CCDC88A: variants seen among roughly 807,000 people sequenced by gnomAD.
The protein encoded by CCDC88A is girdin.
In CCDC88A, 54 loss-of-function variants were observed where a neutral mutation model predicts 234.3. The observed-to-expected ratio is 0.23, with a 90% CI of 0.19 to 0.29. The LOEUF is 0.29. CCDC88A is among the 10% of genes least tolerant of loss of function. The probability of loss-of-function intolerance (pLI) is 1.00; values close to 1 mark genes in which losing one functional copy is unlikely to be tolerated. For missense variants in CCDC88A, 1,832 were observed against 2,123.4 expected (o/e 0.86, Z 2.70); for synonymous variants, 753 against 737.8 (o/e 1.02, Z -0.33).
At chr2:55,407,538 G>A (rs1679800095) in intron 2 of CCDC88A, among the ~76,000 whole-genome samples, 1 of 151,536 alleles carries the variant, frequency 6.6e-6, no homozygotes, top group South Asian at 2.1e-4. Flanking sequence ...CCGGGAGGCA[G>A]AGGTTGTAGT....
At chr2:55,409,738 C>CTTTTTTTTTTTTTTTTTT (rs61703330) in intron 2 of CCDC88A, among the ~76,000 whole-genome samples, 1 of 111,730 alleles carries the variant, frequency 9.0e-6, no homozygotes, top group Admixed American at 9.1e-5. Flanking sequence ...ATATACCTCC[C>CTTTTTTTTTTTTTTTTTT]TTTTTTTTTT....
intron 29 of CCDC88A, chr2:55,297,221 C>T (rs1196474054): frequency 1.5e-5 from 2 of 132,298 alleles, no homozygotes; most frequent in East Asian, 2.1e-4. Flanking sequence ...AGGATAAGAA[C>T]ATGATTAGAC....
intron 2 of CCDC88A, among the ~76,000 whole-genome samples, chr2:55,401,804 G>A (rs1178987466): frequency 2.6e-5 from 4 of 151,796 alleles, no homozygotes; most frequent in Non-Finnish European, 4.4e-5. Context: ...TCGAAAGTTG[G>A]AAAATCTATG....
chr2:55,403,683 G>C (rs1679101499), intron 2 of CCDC88A: 1 of 152,240 alleles, frequency 6.6e-6, no homozygotes, highest in African/African-American at 2.4e-5. Context: ...GCAGGGGTCT[G>C]ATCTCATTTG....
At chr2:55,304,623 C>T (rs1294076626) in intron 25 of CCDC88A, among the ~76,000 whole-genome samples, 1 of 152,030 alleles carries the variant, frequency 6.6e-6, no homozygotes, top group Non-Finnish European at 1.5e-5. Context: ...AAAAGTATAT[C>T]ATTTTTAGAT....
chr2:55,416,625 G>C (rs1046385118), intron 2 of CCDC88A, among the ~76,000 whole-genome samples: 1 of 150,416 alleles, frequency 6.6e-6, no homozygotes, highest in Non-Finnish European at 1.5e-5. Flanking sequence ...ATTTACAAAG[G>C]GTTCTTGCTC....
intron 22 of CCDC88A, among the ~76,000 whole-genome samples, chr2:55,314,864 T>C (rs1682792380): frequency 6.6e-6 from 1 of 152,224 alleles, no homozygotes; most frequent in African/African-American, 2.4e-5. Context: ...GGTTAACTAC[T>C]ATCTCAACCT....
chr2:55,405,452 C>T (rs1308935833), intron 2 of CCDC88A: 1 of 152,236 alleles, frequency 6.6e-6, no homozygotes, highest in Non-Finnish European at 1.5e-5. Context: ...AAAAAGCAAC[C>T]TAATAACTAG....
intron 22 of CCDC88A, chr2:55,314,398 AG>A (rs1682717442): frequency 6.6e-6 from 1 of 152,210 alleles, no homozygotes; most frequent in Admixed American, 6.6e-5. Flanking sequence ...TAAAGAAAAG[AG>A]AACAATTTTT....
chr2:55,355,327 A>G, intron 8 of CCDC88A: 1 of 334,806 alleles, frequency 3.0e-6, no homozygotes, highest in Non-Finnish European at 5.5e-6. Flanking sequence ...CCAATTTGCC[A>G]AATGAGGACA....
chr2:55,291,396 G>C (rs1679436536), intron 32 of CCDC88A: 2 of 196,968 alleles, frequency 1.0e-5, no homozygotes, highest in Non-Finnish European at 1.0e-5. Flanking sequence ...ACCACAAAAG[G>C]CTTCAAACTA....
intron 4 of CCDC88A, among the ~76,000 whole-genome samples, 184 bp downstream of exon 4, chr2:55,374,630 G>C (rs2104829464): frequency 6.6e-6 from 1 of 152,110 alleles, no homozygotes; most frequent in Middle Eastern, 3.4e-3. Flanking sequence ...TTTATGTCTG[G>C]TCTTACCTAT....
At position 55,309,163 on chromosome 2, in the gene CCDC88A, T is replaced by C; in HGVS notation, c.4171A>G (p.Arg1391Gly). The C allele has an allele frequency of 6.5e-7, 1 of 1,547,352 alleles. No homozygotes were observed. The highest frequency in any genetic ancestry group is 8.9e-7 in the Non-Finnish European group (1 of 1,126,496). ...TTCATAAAATTTGGTTAATGGTACCTTCTAGGAGGAGATGGGTCATAAAAT... is the reference window on the plus strand; with the variant it reads ...TTCATAAAATTTGGTTAATGGTACCCTCTAGGAGGAGATGGGTCATAAAAT... The part of the protein sequence containing the change: ...YKFYDPSPPR[R>G]RGNWITLKMR... Residue 1391 changes from arginine to glycine, a missense_variant and splice_region_variant, in exon 24 of 33, where the codon AGG (arginine) becomes GGG (glycine). Physicochemically the swap from Arg to Gly is moderately radical, Grantham distance 125 (BLOSUM62 -2). This residue lies in a region of CCDC88A where 1,282 missense variants were observed against 1,543.6 expected (regional missense o/e 0.83). Transcript: ENST00000436346. The surrounding 1 kb of genome is among the most constrained non-coding windows in gnomAD (Gnocchi z 5.1).
At chr2:55,333,299 C>T (rs766016344) in intron 15 of CCDC88A, among the ~76,000 whole-genome samples, 6 of 152,106 alleles carry the variant, frequency 3.9e-5, no homozygotes, top group Non-Finnish European at 5.9e-5. Flanking sequence ...TATTATAATG[C>T]TTAGAGATGG....
chr2:55,344,812 G>C (rs1161388197), intron 10 of CCDC88A, among the ~76,000 whole-genome samples: 1 of 152,156 alleles, frequency 6.6e-6, no homozygotes, highest in Non-Finnish European at 1.5e-5. Context: ...GAGTCTTCCA[G>C]ATATTTAAGA....
chr2:55,346,321 G>A lies in CCDC88A; in HGVS notation c.895C>T (p.Leu299Phe). 6.3e-7 allele frequency: 1 copy of A among 1,585,006 alleles called. No individual in the cohort carries two copies. Among genetic ancestry groups the A allele is most frequent in the Non-Finnish European group, 8.6e-7 (1 of 1,163,536 alleles). The part of the protein sequence containing the change: ...KRLQQENMNL[L>F]SDARSARMYR... ...ATTCTGGCAGAGCGAGCATCCGAAAGCAAATTCATGTTCTAAACAAAAATT... is the reference window on the plus strand; with the variant it reads ...ATTCTGGCAGAGCGAGCATCCGAAAACAAATTCATGTTCTAAACAAAAATT... The change falls in exon 10 of 33, where the codon CTT becomes TTT. Residue 299 changes from leucine (L) to phenylalanine (F), a missense_variant. By Grantham distance (22) the Leu-to-Phe change is conservative (BLOSUM62 0). This residue lies in a region of CCDC88A where 1,282 missense variants were observed against 1,543.6 expected (regional missense o/e 0.83). Transcript: ENST00000436346.
chr2:55,312,623 T>C, intron 22 of CCDC88A, 44 bp from the exon 23 acceptor site: 1 of 1,433,340 alleles, frequency 7.0e-7, no homozygotes, highest in East Asian at 2.3e-5. Context: ...CATTTACATT[T>C]AACATAAATC....
chr2:55,403,677 G>C (rs1338193220), intron 2 of CCDC88A: 2 of 152,188 alleles, frequency 1.3e-5, no homozygotes, highest in African/African-American at 2.4e-5. Flanking sequence ...GTGCTAGCAG[G>C]GGTCTGATCT....
intron 27 of CCDC88A, 131 bp from the exon 28 acceptor site, chr2:55,301,408 GACTCAACTAGAAACTGGA>G (rs1489970185): frequency 1.8e-6 from 1 of 554,754 alleles, no homozygotes; most frequent in African/African-American, 2.0e-5. Flanking sequence ...ATATTTCATA[GACTCAACTAGAAACTGGA>G]ACTAGGAATA....
Sources: gnomAD v4.1 joint callset for allele counts (sites outside exome capture counted in the v4.1 genomes callset) on GRCh38, gnomAD v4.1.1 for gene constraint, gnomAD v4.1.1 regional missense constraint, Gnocchi (gnomAD v3.1) non-coding constraint, MANE v1.5 for transcripts, NCBI Gene and HGNC (gene_info 2026-07-23, HGNC 2026-07-21) for gene names.